Variants in HSPH1 observed in about 807,000 individuals in gnomAD.
HSPH1 encodes heat shock protein 105 kDa.
A neutral mutation model predicts 100.0 loss-of-function variants in HSPH1; 40 were observed. The ratio of observed to expected loss-of-function variants is 0.40; its 90% CI spans 0.31 to 0.52. The LOEUF is 0.52. Ranked by LOEUF, HSPH1 falls within the 20% of genes least tolerant of loss-of-function variation. The pLI is 0.54. For missense variants in HSPH1, 876 were observed against 1,015.1 expected (o/e 0.86, Z 1.86); for synonymous variants, 403 against 344.0 (o/e 1.17, Z -1.90).
chr13:31,145,208 A>C (rs1956226127), intron 11 of HSPH1, among the ~76,000 whole-genome samples: 1 of 152,202 alleles, frequency 6.6e-6, no homozygotes, highest in East Asian at 1.9e-4. Context: ...AGCTATTTCA[A>C]ACAGTTTTTG....
Position 31,141,199 on chromosome 13 carries a change from TCAC to T in HSPH1, c.1774_1776del (p.Val592del). 2 of 1,611,002 alleles carry T rather than the reference TCAC, an allele frequency of 1.2e-6. No individual in the cohort carries two copies. The highest frequency in any genetic ancestry group is 1.7e-6 in the Non-Finnish European group (2 of 1,178,218). ...TTGGCTTCAATAGGCAGCTCAACAT[TCAC>T]CACCTTTATTTTGGGCTTTTTAGCT... is the stretch of plus-strand genomic sequence containing the variant. On this transcript the variant is annotated inframe_deletion, in exon 13 of 18. Transcript: ENST00000320027.
At chr13:31,151,555 A>G (rs1956487465) in intron 6 of HSPH1, 54 bp downstream of exon 6, 1 of 1,530,206 alleles carries the variant, frequency 6.5e-7, no homozygotes, top group Non-Finnish European at 8.8e-7. Flanking sequence ...TCAGTAGCTT[A>G]AAGTCACAAC....
Position 31,161,005 on chromosome 13 carries a change from A to G in HSPH1, c.107+471T>C, listed in dbSNP as rs534410382. Among the ~76,000 whole-genome samples the G allele has an allele frequency of 3.8e-3, 574 of 152,364 alleles. 2 individuals are homozygous for G. Among genetic ancestry groups the G allele is most frequent in the Middle Eastern group, 0.017 (5 of 294 alleles). The stretch of plus-strand genomic sequence containing the variant: ...CACAATGCGGAAGAAAAAGGCCGGC[A>G]GCCCCGCTCCGCGGTGCGCAAAGAT... On this transcript the variant is annotated intron_variant, in intron 1 of 17. Coordinates refer to ENST00000320027, the MANE Select transcript of HSPH1 (RefSeq NM_006644.4).
intron 11 of HSPH1, among the ~76,000 whole-genome samples, chr13:31,144,709 A>C (rs1956210504): frequency 6.6e-6 from 1 of 152,166 alleles, no homozygotes; most frequent in Non-Finnish European, 1.5e-5. Context: ...TCAAGATTCT[A>C]AGATAGACAC....
chr13:31,150,315 T>C (rs1018271816), intron 7 of HSPH1, 133 bp from the exon 8 acceptor site: 4 of 618,572 alleles, frequency 6.5e-6, no homozygotes, highest in African/African-American at 5.6e-5. Flanking sequence ...AGCTGTATTG[T>C]AGTTTATAGC....
chr13:31,158,505 C>A (rs970269415), intron 2 of HSPH1, among the ~76,000 whole-genome samples: 1 of 144,174 alleles, frequency 6.9e-6, no homozygotes, highest in Non-Finnish European at 1.5e-5. Context: ...GCCGAGATCG[C>A]GCCACTGCAC....
intron 12 of HSPH1, among the ~76,000 whole-genome samples, chr13:31,142,744 A>G (rs1434443880): frequency 6.6e-6 from 1 of 152,156 alleles, no homozygotes; most frequent in Admixed American, 6.6e-5. Flanking sequence ...ACTAAGGAGC[A>G]TGAATGAGAT....
At chr13:31,147,867 A>G in intron 10 of HSPH1, 92 bp downstream of exon 10, 3 of 1,072,204 alleles carry the variant, frequency 2.8e-6, no homozygotes, top group Non-Finnish European at 4.0e-6. Context: ...CCTCAACATT[A>G]CTAAGAATAA....
intron 4 of HSPH1, 60 bp from the exon 5 acceptor site, chr13:31,153,011 C>A: frequency 8.7e-7 from 1 of 1,146,042 alleles, no homozygotes; most frequent in South Asian, 1.2e-5. Context: ...AGAAATTCCT[C>A]ACAAACCACT....
At chr13:31,150,417 G>A (rs1275263106) in intron 7 of HSPH1, among the ~76,000 whole-genome samples, 1 of 152,124 alleles carries the variant, frequency 6.6e-6, no homozygotes, top group Non-Finnish European at 1.5e-5. Context: ...CATTTTACAT[G>A]CTTATGACTG....
At chr13:31,148,281 A>G in intron 9 of HSPH1, 93 bp downstream of exon 9, 1 of 999,354 alleles carries the variant, frequency 1.0e-6, no homozygotes, top group Non-Finnish European at 1.5e-6. Context: ...TGACTACTAG[A>G]GAAGTCATTT....
chr13:31,141,167 G>C lies in HSPH1; in HGVS notation c.1809C>G (p.Val603=). 1.2e-6 allele frequency: 2 copies of C among 1,608,534 alleles called. No individual in the cohort carries two copies. The highest frequency in any genetic ancestry group is 1.7e-6 in the Non-Finnish European group (2 of 1,176,562). ...TAAGAAGGTCTTTCCCTAACTGCCA[G>C]ACCAAGTTGGCTTCAATAGGCAGCT... ...NVELPIEANL[V]WQLGKDLLNM... is the part of the protein sequence containing the mutation. Residue 603 remains valine, a synonymous_variant, in exon 13 of 18, where the codon GTC becomes GTG. Coordinates refer to ENST00000320027, the MANE Select transcript of HSPH1 (RefSeq NM_006644.4).
At chr13:31,154,901 G>A in intron 3 of HSPH1, 146 bp from the exon 4 acceptor site, 103 of 624,680 alleles carry the variant, frequency 1.6e-4, no homozygotes, top group South Asian at 5.0e-4. Flanking sequence ...AAGAAAAGGA[G>A]GAAAAAGGGA....
rs955465055 is a variant in HSPH1 at position 31,152,919 on chromosome 13, T to A, written c.462A>T (p.Arg154=). 56 of 1,612,570 alleles carry A rather than the reference T, an allele frequency of 3.5e-5. No homozygotes were observed. The East Asian group carries it at 1.2e-3, about 34-fold the overall frequency. The part of the protein sequence containing the change: ...VPSFFTDAER[R]SVLDAAQIVG... ...CAATCTGTGCAGCATCTAACACAGATCGCCTCTCAGCATCTGTAAAGAAGG... is the reference window on the plus strand; with the variant it reads ...CAATCTGTGCAGCATCTAACACAGAACGCCTCTCAGCATCTGTAAAGAAGG... The change falls in exon 5 of 18, where the codon CGA becomes CGT. Residue 154 remains arginine (R), a synonymous_variant. Transcript: ENST00000320027.
intron 7 of HSPH1, 63 bp downstream of exon 7, chr13:31,150,884 G>A: frequency 1.3e-6 from 2 of 1,507,952 alleles, no homozygotes; most frequent in Non-Finnish European, 1.8e-6. Context: ...CACTAGAACT[G>A]ACACCTGGGC....
At chr13:31,161,905 A>G (rs1456075559), upstream of HSPH1, 6 of 1,507,560 alleles carry the variant, frequency 4.0e-6, no homozygotes, top group Non-Finnish European at 4.4e-6. Flanking sequence ...CTACCGACCC[A>G]AAAGGGGAGG....
chr13:31,156,704 G>A (rs1421261455), intron 2 of HSPH1, among the ~76,000 whole-genome samples: 1 of 152,190 alleles, frequency 6.6e-6, no homozygotes, highest in Non-Finnish European at 1.5e-5. Flanking sequence ...ACACCAAAAA[G>A]TAGAAGGCAG....
At chr13:31,157,158 T>C (rs929971913) in intron 2 of HSPH1, among the ~76,000 whole-genome samples, 17 of 152,238 alleles carry the variant, frequency 1.1e-4, no homozygotes, top group African/African-American at 4.1e-4. Context: ...TCCTTATGTG[T>C]CTAAAACTGA....
At chr13:31,158,540 C>A (rs781762874) in intron 2 of HSPH1, among the ~76,000 whole-genome samples, 18 of 100,664 alleles carry the variant, frequency 1.8e-4, no homozygotes, top group Non-Finnish European at 2.7e-4. Context: ...CAGAGCGAGA[C>A]TCTATCTCAA....
Sources: gnomAD v4.1 joint callset for allele counts (sites outside exome capture counted in the v4.1 genomes callset) on GRCh38, gnomAD v4.1.1 for gene constraint, MANE v1.5 for transcripts, NCBI Gene and HGNC (gene_info 2026-07-23, HGNC 2026-07-21) for gene names.